PRDM16: variants seen among roughly 807,000 people sequenced by gnomAD.
PRDM16 encodes the protein histone-lysine N-methyltransferase PRDM16.
PRDM16 carries 23 observed loss-of-function variants against 110.6 expected under a neutral mutation model. That is an observed-to-expected ratio of 0.21 (90% CI 0.15 to 0.29). The LOEUF is 0.29. Among genes scored for constraint, PRDM16 ranks in the 10% least tolerant of loss-of-function variants. PRDM16 has a pLI of 1.00. For synonymous variants in PRDM16, 799 were observed against 781.8 expected, an observed-to-expected ratio of 1.02 and a Z score of -0.37; for missense variants, 1,615 against 1,794.3, an observed-to-expected ratio of 0.90 and a Z score of 1.81.
chr1:3,190,109 G>T lies in PRDM16; in HGVS notation c.387+3635G>T, dbSNP rs1158827341. 6.6e-6 allele frequency among the ~76,000 whole-genome samples: 1 copy of T among 152,106 alleles called. No homozygotes were observed. The highest frequency in any genetic ancestry group is 1.5e-5 in the Non-Finnish European group (1 of 68,014). ...GTAGATGACAGCATGACTCCCTGGG[G>T]ATGAGAGATGGGGCGGGCAGCACGT... On this transcript the variant is annotated intron_variant, in intron 2 of 16. Coordinates refer to ENST00000270722, the MANE Select transcript of PRDM16 (RefSeq NM_022114.4). The surrounding 1 kb of genome is among the most constrained non-coding windows in gnomAD (Gnocchi z 5.0).
intron 3 of PRDM16, among the ~76,000 whole-genome samples, chr1:3,312,565 C>T (rs1461256315): frequency 6.6e-6 from 1 of 152,204 alleles, no homozygotes; most frequent in Non-Finnish European, 1.5e-5. Context: ...CCGGGGCCGG[C>T]AGGTGGGGTT....
At chr1:3,323,396 C>T (rs1039148909) in intron 3 of PRDM16, among the ~76,000 whole-genome samples, 9 of 152,210 alleles carry the variant, frequency 5.9e-5, no homozygotes, top group South Asian at 2.1e-4. Context: ...CAGTGTGTGC[C>T]GCCAGAAGCG....
At chr1:3,332,458 GC>G (rs930599808) in intron 3 of PRDM16, among the ~76,000 whole-genome samples, 2 of 152,142 alleles carry the variant, frequency 1.3e-5, no homozygotes, top group South Asian at 2.1e-4. Context: ...GCGTGGCCTG[GC>G]CCCCCCTCGG....
chr1:3,110,941 A>G (rs1392569073), intron 1 of PRDM16, among the ~76,000 whole-genome samples: 1 of 152,162 alleles, frequency 6.6e-6, no homozygotes, highest in Non-Finnish European at 1.5e-5. Flanking sequence ...AAATCGAAGG[A>G]GGCCAGAGAT....
At chr1:3,139,990 G>A (rs1643515571) in intron 1 of PRDM16, among the ~76,000 whole-genome samples, 1 of 152,268 alleles carries the variant, frequency 6.6e-6, no homozygotes, top group South Asian at 2.1e-4. Context: ...GCAGGCTGGA[G>A]TTCCCGCAGT....
chr1:3,426,861 A>G (rs745897385), intron 14 of PRDM16, among the ~76,000 whole-genome samples: 12 of 152,296 alleles, frequency 7.9e-5, no homozygotes, highest in Middle Eastern at 3.4e-3. Flanking sequence ...TGGTCTGGGC[A>G]TGGGCAGTCC....
At chr1:3,375,300 A>G (rs1192081625) in intron 3 of PRDM16, among the ~76,000 whole-genome samples, 1 of 152,174 alleles carries the variant, frequency 6.6e-6, no homozygotes, top group African/African-American at 2.4e-5. Context: ...GCCGAGCCCA[A>G]GGTTTCGACA....
intron 3 of PRDM16, among the ~76,000 whole-genome samples, chr1:3,376,823 A>G (rs534925104): frequency 1.2e-3 from 174 of 147,536 alleles, no homozygotes; most frequent in African/African-American, 4.0e-3. Flanking sequence ...CTGACCGCCG[A>G]CCAGGCCTCC....
intron 1 of PRDM16, among the ~76,000 whole-genome samples, chr1:3,091,909 C>T (rs1036392183): frequency 6.6e-5 from 10 of 152,318 alleles, no homozygotes; most frequent in South Asian, 2.1e-4. Context: ...TGGTCAGATG[C>T]GAGAGAATTC....
At chr1:3,115,380 C>T (rs1278449177) in intron 1 of PRDM16, among the ~76,000 whole-genome samples, 7 of 152,346 alleles carry the variant, frequency 4.6e-5, no homozygotes, top group East Asian at 1.9e-4. Context: ...AGAGCAAATA[C>T]GCCAGCTCCT....
At chr1:3,140,911 C>G (rs1643537368) in intron 1 of PRDM16, among the ~76,000 whole-genome samples, 1 of 152,212 alleles carries the variant, frequency 6.6e-6, no homozygotes, top group Admixed American at 6.5e-5. Context: ...CCTGGAGAAG[C>G]AGGCGGTCGG....
chr1:3,405,724 C>T (rs1182214205), intron 8 of PRDM16, 76 bp downstream of exon 8: 4 of 1,415,552 alleles, frequency 2.8e-6, no homozygotes, highest in African/African-American at 1.5e-5. Flanking sequence ...GGTGGGCCAT[C>T]CCCCAAGGTC....
rs965792115 is a variant in PRDM16 at position 3,246,955 on chromosome 1, G to A, written c.438+2818G>A. 2.0e-5 allele frequency among the ~76,000 whole-genome samples: 3 copies of A among 152,168 alleles called. No homozygotes were observed. Among genetic ancestry groups the A allele is most frequent in the African/African-American group, 7.2e-5 (3 of 41,438 alleles). On this transcript the variant is annotated intron_variant, in intron 3 of 16. Transcript: ENST00000270722. This position sits in a 1 kb window ranked among gnomAD's most constrained non-coding sequence, Gnocchi z 5.2. ...GAGACCCCACCCTGCAAACAAATGC[G>A]CCACTTAGAGCTGTTGGTATAGGTG...
chr1:3,366,460 G>A (rs1275280613), intron 3 of PRDM16, among the ~76,000 whole-genome samples: 3 of 152,232 alleles, frequency 2.0e-5, no homozygotes, highest in African/African-American at 4.8e-5. Context: ...CTCCCAGGCT[G>A]TGCCGACCAG....
At chr1:3,384,741 A>C (rs1355498181) in intron 3 of PRDM16, among the ~76,000 whole-genome samples, 2 of 152,212 alleles carry the variant, frequency 1.3e-5, no homozygotes, top group African/African-American at 2.4e-5. Context: ...CTTCACCTTC[A>C]GACACGCTTT....
At chr1:3,215,820 A>G (rs927949338) in intron 2 of PRDM16, among the ~76,000 whole-genome samples, 2 of 152,120 alleles carry the variant, frequency 1.3e-5, no homozygotes, top group African/African-American at 4.8e-5. Context: ...ATCAATGTCA[A>G]GGCGCGGCGT....
chr1:3,102,311 G>A (rs954779551), intron 1 of PRDM16, among the ~76,000 whole-genome samples: 2 of 152,194 alleles, frequency 1.3e-5, no homozygotes, highest in African/African-American at 4.8e-5. Context: ...GTCCCCTCTG[G>A]TTTCCCTGGG....
chr1:3,201,685 C>T lies in PRDM16; in HGVS notation c.387+15211C>T, dbSNP rs1447913237. Among the ~76,000 whole-genome samples the T allele has an allele frequency of 3.9e-5, 6 of 152,254 alleles. No individual in the cohort carries two copies. The highest frequency in any genetic ancestry group is 1.9e-4 in the East Asian group (1 of 5,192). On this transcript the variant is annotated intron_variant, in intron 2 of 16. Transcript: ENST00000270722. The surrounding 1 kb of genome is among the most constrained non-coding windows in gnomAD (Gnocchi z 4.1). ...TCGGGGACCCCAGCCACTTCCAGCA[C>T]CTGCAGGGCAGGACCTCCCCGCTTG...
intron 1 of PRDM16, among the ~76,000 whole-genome samples, chr1:3,082,229 C>G (rs1311141360): frequency 6.6e-6 from 1 of 152,190 alleles, no homozygotes; most frequent in East Asian, 1.9e-4. Flanking sequence ...CAGTCAGGTC[C>G]TGTGCAGTCA....
Sources: allele counts gnomAD v4.1 joint callset (sites outside exome capture counted in the v4.1 genomes callset), GRCh38; gene constraint gnomAD v4.1.1; non-coding constraint Gnocchi (gnomAD v3.1); transcripts MANE v1.5; gene names NCBI Gene and HGNC (gene_info 2026-07-23, HGNC 2026-07-21).